PTPRD: variants seen among roughly 807,000 people sequenced by gnomAD.
The protein encoded by PTPRD is receptor-type tyrosine-protein phosphatase delta.
Under a neutral mutation model 214.5 loss-of-function variants are expected in PTPRD, and 34 were observed. The ratio of observed to expected loss-of-function variants is 0.16; its 90% CI spans 0.12 to 0.21. The LOEUF (loss-of-function observed/expected upper bound fraction) is 0.21, where lower values mean the gene tolerates loss of function less well. Among genes scored for constraint, PTPRD ranks in the 10% least tolerant of loss-of-function variants. PTPRD has a pLI of 1.00. For synonymous variants in PTPRD, 1,128 were observed against 845.7 expected (o/e 1.33, Z -5.79); for missense variants, 2,545 against 2,398.7 (o/e 1.06, Z -1.27).
At chr9:9,956,768 C>CTTGT (rs2093962218) in intron 4 of PTPRD, among the ~76,000 whole-genome samples, 4 of 152,070 alleles carry the variant, frequency 2.6e-5, no homozygotes, top group African/African-American at 9.7e-5. Context: ...TAATAAATCA[C>CTTGT]AAGTTAGAGA....
At chr9:9,625,772 G>A (rs1381137893) in intron 7 of PTPRD, among the ~76,000 whole-genome samples, 2 of 152,086 alleles carry the variant, frequency 1.3e-5, no homozygotes, top group Non-Finnish European at 2.9e-5. Flanking sequence ...CATTTTATCC[G>A]AACGGCCAGC....
chr9:9,926,208 C>A (rs571017765), intron 5 of PTPRD, among the ~76,000 whole-genome samples: 5 of 152,160 alleles, frequency 3.3e-5, no homozygotes, highest in African/African-American at 1.2e-4. Flanking sequence ...CTAAGTCAAG[C>A]CCTTGAAAAC....
At chr9:10,606,340 C>T (rs2079342945) in intron 2 of PTPRD, among the ~76,000 whole-genome samples, 1 of 151,766 alleles carries the variant, frequency 6.6e-6, no homozygotes, top group Admixed American at 6.6e-5. Context: ...TCTCTACCCC[C>T]TCCATCCTTT....
chr9:8,718,511 T>C (rs1410129162), intron 12 of PTPRD, among the ~76,000 whole-genome samples: 3 of 152,158 alleles, frequency 2.0e-5, no homozygotes, highest in African/African-American at 4.8e-5. Context: ...TGGTTTCTGC[T>C]GCTTACATCA....
chr9:9,655,138 T>C (rs1009798434), intron 7 of PTPRD, among the ~76,000 whole-genome samples: 10 of 152,142 alleles, frequency 6.6e-5, no homozygotes, highest in Non-Finnish European at 1.3e-4. Flanking sequence ...CACCTTGTTA[T>C]AAAAACTATA....
chr9:10,067,037 CTT>C (rs1381025660), intron 3 of PTPRD, among the ~76,000 whole-genome samples: 3 of 151,466 alleles, frequency 2.0e-5, no homozygotes, highest in Admixed American at 1.3e-4. Flanking sequence ...GAAAAAGAAA[CTT>C]GGGCATTTGG....
intron 3 of PTPRD, among the ~76,000 whole-genome samples, chr9:10,130,103 C>T (rs1046843998): frequency 6.6e-6 from 1 of 151,426 alleles, no homozygotes; most frequent in African/African-American, 2.4e-5. Flanking sequence ...TCAATGGCTC[C>T]CATTCCTCTT....
chr9:10,254,289 G>A (rs1163496094), intron 3 of PTPRD, among the ~76,000 whole-genome samples: 1 of 152,224 alleles, frequency 6.6e-6, no homozygotes, highest in Admixed American at 6.5e-5. Flanking sequence ...AGTAATAACT[G>A]TAAGGCTTTG....
chr9:8,703,481 T>G (rs986008092), intron 12 of PTPRD, among the ~76,000 whole-genome samples: 1 of 152,212 alleles, frequency 6.6e-6, no homozygotes, highest in African/African-American at 2.4e-5. Flanking sequence ...CCAATGGACA[T>G]GTTCAGATCC....
intron 2 of PTPRD, among the ~76,000 whole-genome samples, chr9:10,561,084 G>T (rs781675068): frequency 6.6e-6 from 1 of 152,058 alleles, no homozygotes; most frequent in South Asian, 2.1e-4. Flanking sequence ...ATATAAAATT[G>T]ACTTCAATGC....
chr9:10,490,168 ATATAGT>A (rs1479710557), intron 2 of PTPRD, among the ~76,000 whole-genome samples: 5 of 152,182 alleles, frequency 3.3e-5, no homozygotes, highest in Admixed American at 1.3e-4. Context: ...TTTTGGAGGG[ATATAGT>A]TATTTTTCTC....
rs188364927 is a variant in PTPRD at position 10,326,578 on chromosome 9, A to G, written c.-545+14385T>C. ...TTTTTACACCCATTTTTTACTTTCA[A>G]ATTGCTTCACATTTTGGTTTTATTG... On this transcript the variant is annotated intron_variant, in intron 3 of 45. Coordinates refer to ENST00000381196, the MANE Select transcript of PTPRD (RefSeq NM_002839.4). Among the ~76,000 whole-genome samples, 5 of 151,742 alleles carry G rather than the reference A, an allele frequency of 3.3e-5. 1 individual carries two copies. The highest frequency in any genetic ancestry group is 1.2e-4 in the African/African-American group (5 of 41,518).
chr9:10,369,874 A>G (rs1317767505), intron 2 of PTPRD, among the ~76,000 whole-genome samples: 2 of 152,148 alleles, frequency 1.3e-5, no homozygotes, highest in Non-Finnish European at 2.9e-5. Flanking sequence ...AGCATGTCAT[A>G]TTAAATAGAA....
chr9:9,880,629 CTG>C (rs1334995544), intron 5 of PTPRD, among the ~76,000 whole-genome samples: 1 of 152,024 alleles, frequency 6.6e-6, no homozygotes, highest in East Asian at 1.9e-4. Flanking sequence ...CTTTGGGACT[CTG>C]TGTGTGTTGT....
rs1370704031 is a variant in PTPRD, at chr9:9,415,646, C to T, written c.-236-18164G>A. On this transcript the variant is annotated intron_variant, in intron 8 of 45. Coordinates refer to ENST00000381196, the MANE Select transcript of PTPRD (RefSeq NM_002839.4). ...TTTAATACCTAACCTGTACAAAAAG[C>T]CATAAGATTACCCTTTAGGGATTAG... Among the ~76,000 whole-genome samples the T allele has an allele frequency of 4.6e-5, 7 of 151,920 alleles. No individual in the cohort carries two copies. In the East Asian group the frequency reaches 1.4e-3, roughly 29 times the overall value.
chr9:9,862,230 T>A (rs1267644425), intron 5 of PTPRD, among the ~76,000 whole-genome samples: 1 of 152,042 alleles, frequency 6.6e-6, no homozygotes, highest in Non-Finnish European at 1.5e-5. Context: ...AAAAAGTGTT[T>A]ACCATTTTGA....
chr9:10,374,311 G>A (rs1308428686), intron 2 of PTPRD, among the ~76,000 whole-genome samples: 1 of 152,114 alleles, frequency 6.6e-6, no homozygotes. Flanking sequence ...AATTATAATT[G>A]TATTTGATTT....
At chr9:8,374,630 T>C (rs1244715875) in intron 39 of PTPRD, among the ~76,000 whole-genome samples, 1 of 151,972 alleles carries the variant, frequency 6.6e-6, no homozygotes, top group African/African-American at 2.4e-5. Flanking sequence ...CTCACTTCTC[T>C]TGACACGACA....
chr9:8,847,011 C>T (rs2097709992), intron 11 of PTPRD, among the ~76,000 whole-genome samples: 1 of 151,954 alleles, frequency 6.6e-6, no homozygotes, highest in Non-Finnish European at 1.5e-5. Flanking sequence ...AAGATGGGGG[C>T]CTTTCAACAG....
Sources: gnomAD v4.1 joint callset for allele counts (sites outside exome capture counted in the v4.1 genomes callset) on GRCh38, gnomAD v4.1.1 for gene constraint, MANE v1.5 for transcripts, NCBI Gene and HGNC (gene_info 2026-07-23, HGNC 2026-07-21) for gene names.